UTP6: variants seen among roughly 807,000 people sequenced by gnomAD.
UTP6 encodes the protein U3 small nucleolar RNA-associated protein 6 homolog.
UTP6 carries 60 observed loss-of-function variants against 96.5 expected under a neutral mutation model. The ratio of observed to expected loss-of-function variants is 0.62; its 90% CI spans 0.51 to 0.77. The LOEUF is 0.77. UTP6 is among the 30% of genes least tolerant of loss of function. UTP6 has a pLI of 0.00. For missense variants in UTP6, 637 were observed against 706.5 expected (o/e 0.90, Z 1.12); for synonymous variants, 215 against 240.1 (o/e 0.90, Z 0.96).
intron 16 of UTP6, chr17:31,873,116 T>C (rs897097224): frequency 1.2e-5 from 4 of 324,672 alleles, no homozygotes; most frequent in Non-Finnish European, 2.3e-5. Flanking sequence ...TAGCCAGGCG[T>C]GGTGGCAGGT....
Position 31,880,643 on chromosome 17 carries a change from T to C in UTP6, c.897A>G (p.Ala299=). Residue 299 remains alanine (A), a synonymous_variant, in exon 11 of 19, where the codon GCA becomes GCG. Coordinates refer to ENST00000261708, the MANE Select transcript of UTP6 (RefSeq NM_018428.3). The part of the protein sequence containing the change: ...EEQPTTKQAK[A]VEVGRKEERC... ...TCTCCTCCTTCCGGCCGACCTCCAC[T>C]GCTTTGGCTTGTTTCGTTGTAGGCT... 1 of 1,614,168 alleles carries C rather than the reference T, an allele frequency of 6.2e-7. No individual in the cohort carries two copies. Among genetic ancestry groups the C allele is most frequent in the Non-Finnish European group, 8.5e-7 (1 of 1,180,018 alleles).
intron 18 of UTP6, 47 bp downstream of exon 18, chr17:31,865,319 C>T (rs1218983684): frequency 6.3e-7 from 1 of 1,592,318 alleles, no homozygotes; most frequent in Non-Finnish European, 8.6e-7. Flanking sequence ...AGCCAAGAAA[C>T]ACTGTTCTAA....
intron 17 of UTP6, among the ~76,000 whole-genome samples, chr17:31,867,094 A>C (rs1232101261): frequency 6.6e-6 from 1 of 152,088 alleles, no homozygotes; most frequent in African/African-American, 2.4e-5. Context: ...GGAAGCTTAG[A>C]ATTAAGTGAC....
intron 16 of UTP6, among the ~76,000 whole-genome samples, chr17:31,871,613 G>A (rs1001777738): frequency 1.7e-4 from 26 of 152,098 alleles, no homozygotes; most frequent in African/African-American, 5.8e-4. Flanking sequence ...GCGGGGCATC[G>A]CCAGGCATGG....
rs748362840 is a variant in UTP6 at position 31,895,024 on chromosome 17, AACAT to A, written c.178-17_178-14del. ...GATTAATTTCATACTATGAAAGAAA[AACAT>A]ACAAAAAAATGAGAAGCTAGAAAAT... is the stretch of plus-strand genomic sequence containing the variant. On this transcript the variant is annotated splice_polypyrimidine_tract_variant and intron_variant, in intron 2 of 18. Coordinates refer to ENST00000261708, the MANE Select transcript of UTP6 (RefSeq NM_018428.3). The A allele has an allele frequency of 1.3e-6, 2 of 1,514,560 alleles. No homozygotes were observed. Among genetic ancestry groups the A allele is most frequent in the Non-Finnish European group, 1.8e-6 (2 of 1,122,908 alleles). The allele number at this position is 1,514,560 out of a possible 1,614,324, so 93.8% of individuals were successfully genotyped here.
intron 6 of UTP6, among the ~76,000 whole-genome samples, chr17:31,891,693 A>G (rs1911500127): frequency 6.6e-6 from 1 of 152,212 alleles, no homozygotes; most frequent in African/African-American, 2.4e-5. Context: ...ATGTCCCACA[A>G]AGGATTCAAA....
intron 18 of UTP6, among the ~76,000 whole-genome samples, chr17:31,864,105 C>G (rs1333882324): frequency 1.3e-5 from 2 of 151,992 alleles, no homozygotes; most frequent in African/African-American, 4.8e-5. Context: ...AACTTTTTGG[C>G]TAGGCACAGT....
At chr17:31,901,421 A>T in intron 1 of UTP6, 115 bp downstream of exon 1, 1 of 960,624 alleles carries the variant, frequency 1.0e-6, no homozygotes, top group Non-Finnish European at 1.6e-6. Flanking sequence ...ATGGGCTTCC[A>T]CCACGTTAGG....
chr17:31,882,117 G>T (rs769525682), intron 10 of UTP6, among the ~76,000 whole-genome samples: 1 of 150,784 alleles, frequency 6.6e-6, no homozygotes, highest in African/African-American at 2.4e-5. Flanking sequence ...TATAACCTCC[G>T]CCTCCTGGGT....
Position 31,873,361 on chromosome 17 carries a change from T to G in UTP6, c.1496+17A>C, listed in dbSNP as rs768670160. On this transcript the variant is annotated intron_variant, in intron 16 of 18. Coordinates refer to ENST00000261708, the MANE Select transcript of UTP6 (RefSeq NM_018428.3). ...GGGGTAGAGGGACTAGTAACAACTATGAACGTCTGTGAGTACCTTTTAAAC... is the reference window on the plus strand; with the variant it reads ...GGGGTAGAGGGACTAGTAACAACTAGGAACGTCTGTGAGTACCTTTTAAAC... 1.7e-5 allele frequency: 27 copies of G among 1,613,152 alleles called. No homozygotes were observed. The highest frequency in any genetic ancestry group is 2.2e-5 in the Non-Finnish European group (26 of 1,179,370).
chr17:31,869,449 C>A (rs1266958031), intron 16 of UTP6, among the ~76,000 whole-genome samples: 1 of 151,916 alleles, frequency 6.6e-6, no homozygotes, highest in Non-Finnish European at 1.5e-5. Context: ...TCTGGGATTA[C>A]AGGAATGGCA....
intron 14 of UTP6, chr17:31,874,010 C>A: frequency 2.4e-6 from 1 of 409,186 alleles, no homozygotes; most frequent in Non-Finnish European, 4.3e-6. Flanking sequence ...CAGAACACAG[C>A]CAGCCTTCTG....
intron 14 of UTP6, 45 bp downstream of exon 14, chr17:31,875,189 A>C (rs780534966): frequency 1.2e-6 from 2 of 1,606,802 alleles, no homozygotes; most frequent in Non-Finnish European, 8.5e-7. Flanking sequence ...CTAGTCTTAA[A>C]AGGTTTCCCA....
At chr17:31,873,178 C>A in intron 16 of UTP6, 200 bp downstream of exon 16, 1 of 471,136 alleles carries the variant, frequency 2.1e-6, no homozygotes, top group African/African-American at 2.0e-5. Context: ...CACTTGAACG[C>A]AGGAGGCGGA....
chr17:31,869,675 C>A (rs1910041724), intron 16 of UTP6, among the ~76,000 whole-genome samples: 1 of 152,106 alleles, frequency 6.6e-6, no homozygotes, highest in Non-Finnish European at 1.5e-5. Flanking sequence ...GTTTTAATTT[C>A]AACTTTTATT....
At chr17:31,883,146 C>T (rs1386135016) in intron 10 of UTP6, among the ~76,000 whole-genome samples, 3 of 151,590 alleles carry the variant, frequency 2.0e-5, no homozygotes, top group African/African-American at 7.3e-5. Flanking sequence ...TCAACCTGGG[C>T]AACATAGTGA....
chr17:31,878,259 G>A lies in UTP6; in HGVS notation c.1116C>T (p.Tyr372=), dbSNP rs754519191. 2 of 1,614,096 alleles carry A rather than the reference G, an allele frequency of 1.2e-6. No homozygotes were observed. Among genetic ancestry groups the A allele is most frequent in the Non-Finnish European group, 1.7e-6 (2 of 1,179,984 alleles). ...HELKLLSECQ[Y]KQLSVSLLCY... is the part of the protein sequence containing the mutation. ...TTCTCTATGTTCTTACCAACTGCTT[G>A]TATTGGCATTCTGACAGAAGCTTCA... Residue 372 remains tyrosine, a synonymous_variant, in exon 13 of 19, where the codon TAC becomes TAT. Transcript: ENST00000261708.
intron 10 of UTP6, 129 bp downstream of exon 10, chr17:31,884,295 G>T: frequency 1.4e-6 from 1 of 715,268 alleles, no homozygotes; most frequent in Non-Finnish European, 2.2e-6. Context: ...ACTGCACCCG[G>T]CCAATATTAG....
intron 6 of UTP6, among the ~76,000 whole-genome samples, chr17:31,890,285 C>T (rs529321375): frequency 5.3e-4 from 80 of 151,750 alleles, no homozygotes; most frequent in Admixed American, 1.2e-3. Flanking sequence ...CATAAGCCAC[C>T]GTGCCTGGCC....
Sources: allele counts gnomAD v4.1 joint callset (sites outside exome capture counted in the v4.1 genomes callset), GRCh38; gene constraint gnomAD v4.1.1; transcripts MANE v1.5; gene names NCBI Gene and HGNC (gene_info 2026-07-23, HGNC 2026-07-21).